CAST: variants seen among roughly 807,000 people sequenced by gnomAD.
The protein encoded by CAST is MIR583 host.
Under a neutral mutation model 119.6 loss-of-function variants are expected in CAST, and 76 were observed. That is an observed-to-expected ratio of 0.64 (90% CI 0.53 to 0.77). The LOEUF is 0.77. Among genes scored for constraint, CAST ranks in the 30% least tolerant of loss-of-function variants. CAST has a pLI of 0.00. For synonymous variants in CAST, 319 were observed against 331.6 expected, an observed-to-expected ratio of 0.96 and a Z score of 0.41; for missense variants, 953 against 946.5, an observed-to-expected ratio of 1.01 and a Z score of -0.09.
At chr5:96,605,103 T>A (rs1747228697) in intron 1 of CAST, among the ~76,000 whole-genome samples, 1 of 152,170 alleles carries the variant, frequency 6.6e-6, no homozygotes, top group Non-Finnish European at 1.5e-5. Context: ...GGGTCAAATG[T>A]TGATGATGCC....
intron 16 of CAST, among the ~76,000 whole-genome samples, chr5:96,745,459 A>C (rs1465398374): frequency 6.6e-6 from 1 of 152,198 alleles, no homozygotes; most frequent in Non-Finnish European, 1.5e-5. Flanking sequence ...TATCCTGTTT[A>C]AATGTTACTA....
At chr5:96,483,237 A>G in the CAST span, among the ~76,000 whole-genome samples, 4 of 152,200 alleles carry the variant, frequency 2.6e-5, no homozygotes, top group Admixed American at 2.6e-4. Flanking sequence ...TGTTGTATTA[A>G]TCCTTTTATC....
At chr5:96,142,998 G>A in the CAST span, among the ~76,000 whole-genome samples, 44 of 152,152 alleles carry the variant, frequency 2.9e-4, no homozygotes, top group Non-Finnish European at 5.1e-4. Flanking sequence ...CTCTGGTGCT[G>A]CTGACTTACC....
At chr5:96,163,716 T>C in the CAST span, among the ~76,000 whole-genome samples, 2 of 152,192 alleles carry the variant, frequency 1.3e-5, no homozygotes, top group African/African-American at 4.8e-5. Context: ...ACAGTATTCA[T>C]GGCCATTACT....
chr5:96,513,547 A>C, the CAST span, among the ~76,000 whole-genome samples: 1 of 152,234 alleles, frequency 6.6e-6, no homozygotes, highest in African/African-American at 2.4e-5. Context: ...AGAAGCAGAC[A>C]ATGTAGCTAA....
chr5:96,446,054 A>T, the CAST span, among the ~76,000 whole-genome samples: 12 of 151,736 alleles, frequency 7.9e-5, no homozygotes, highest in Non-Finnish European at 1.6e-4. Context: ...TCCCTATGTT[A>T]CCCAGGCTGT....
At chr5:96,083,460 A>G in the CAST span, among the ~76,000 whole-genome samples, 1 of 152,236 alleles carries the variant, frequency 6.6e-6, no homozygotes, top group Non-Finnish European at 1.5e-5. Flanking sequence ...GCCATGAGGC[A>G]GCAACGTCCT....
intron 3 of CAST, among the ~76,000 whole-genome samples, chr5:96,701,924 G>A (rs961763921): frequency 6.6e-6 from 1 of 152,084 alleles, no homozygotes; most frequent in Non-Finnish European, 1.5e-5. Context: ...AAAAAAATAA[G>A]GTAGCTGTGA....
At chr5:96,627,047 A>G (rs879853644) in intron 1 of CAST, among the ~76,000 whole-genome samples, 1 of 152,258 alleles carries the variant, frequency 6.6e-6, no homozygotes, top group Non-Finnish European at 1.5e-5. Flanking sequence ...GAAACAAAGA[A>G]TATGTGGGAA....
At chr5:96,117,713 C>G in the CAST span, among the ~76,000 whole-genome samples, 2 of 152,110 alleles carry the variant, frequency 1.3e-5, no homozygotes, top group African/African-American at 4.8e-5. Context: ...AATATTAGAC[C>G]AAACGATATT....
chr5:96,338,415 T>G, the CAST span, among the ~76,000 whole-genome samples: 51 of 152,316 alleles, frequency 3.3e-4, no homozygotes, highest in African/African-American at 1.2e-3. Context: ...TAATCCTTGT[T>G]TATGGTATTA....
In CAST at chr5:96,616,753, TACACACACAC is replaced by T. The variant is rs377159898; in HGVS notation, c.61-58752_61-58743del. 8.7e-3 allele frequency among the ~76,000 whole-genome samples: 1,132 copies of T among 130,846 alleles called. 16 individuals carry two copies. Among genetic ancestry groups the T allele is most frequent in the African/African-American group, 0.024 (890 of 36,408 alleles). 85.8% of individuals were successfully genotyped at this position (130,846 alleles called of 152,430 possible). A position where few individuals can be genotyped will look rare whatever the true frequency, so the allele number is the denominator to read the frequency against. On this transcript the variant is annotated intron_variant, in intron 1 of 11. Coordinates refer to the CAST transcript ENST00000505143. ...CGCTCTCTCTCTCTCTCTATATATA[TACACACACAC>T]ACACACACACACACACACACACACA...
chr5:96,019,709 C>T, the CAST span, among the ~76,000 whole-genome samples: 6 of 152,178 alleles, frequency 3.9e-5, no homozygotes, highest in Non-Finnish European at 8.8e-5. Context: ...TCATGTTCTA[C>T]TTTAGTCCAT....
chr5:96,240,975 A>C, the CAST span, among the ~76,000 whole-genome samples: 1 of 152,132 alleles, frequency 6.6e-6, no homozygotes, highest in Non-Finnish European at 1.5e-5. Flanking sequence ...ATTATGTACT[A>C]ATATCAGAAT....
chr5:96,707,481 G>A (rs1169262993), intron 3 of CAST, among the ~76,000 whole-genome samples: 1 of 151,982 alleles, frequency 6.6e-6, no homozygotes, highest in Non-Finnish European at 1.5e-5. Context: ...CCACCTCCTG[G>A]GTTCAAGCAA....
intron 1 of CAST, among the ~76,000 whole-genome samples, chr5:96,617,966 G>C (rs190599230): frequency 2.4e-4 from 36 of 152,232 alleles, no homozygotes; most frequent in Admixed American, 2.4e-3. Context: ...TGCCTAGCTG[G>C]ACAGGAACCA....
At chr5:96,488,375 A>T in the CAST span, among the ~76,000 whole-genome samples, 1 of 152,242 alleles carries the variant, frequency 6.6e-6, no homozygotes, top group Non-Finnish European at 1.5e-5. Context: ...GCTAAAAAAA[A>T]ACCCTAAGTA....
At chr5:96,574,282 C>G (rs1178588493) in intron 1 of CAST, among the ~76,000 whole-genome samples, 1 of 5,004 alleles carries the variant, frequency 2.0e-4, no homozygotes. Flanking sequence ...TGGTCTCGAT[C>G]TCCTGACCTC....
the CAST span, among the ~76,000 whole-genome samples, chr5:96,346,607 G>T: frequency 6.6e-6 from 1 of 152,226 alleles, no homozygotes; most frequent in African/African-American, 2.4e-5. Context: ...ATTGGTAGAA[G>T]GTATATACTA....
Sources: gnomAD v4.1 joint callset for allele counts (sites outside exome capture counted in the v4.1 genomes callset) on GRCh38, gnomAD v4.1.1 for gene constraint, MANE v1.5 for transcripts, NCBI Gene and HGNC (gene_info 2026-07-23, HGNC 2026-07-21) for gene names.